Variants in CPQ observed in about 807,000 individuals in gnomAD.
CPQ encodes the protein Ser-Met dipeptidase.
CPQ carries 37 observed loss-of-function variants against 45.7 expected under a neutral mutation model. That is an observed-to-expected ratio of 0.81 (90% CI 0.62 to 1.07). CPQ has a LOEUF of 1.07. Ranked by LOEUF, CPQ falls within the 50% of genes least tolerant of loss-of-function variation. The pLI is 0.00. For synonymous variants in CPQ, 186 were observed against 205.8 expected, an observed-to-expected ratio of 0.90 and a Z score of 0.82; for missense variants, 537 against 572.9, an observed-to-expected ratio of 0.94 and a Z score of 0.64.
At chr8:96,714,686 T>C (rs1321224448) in intron 1 of CPQ, among the ~76,000 whole-genome samples, 1 of 152,168 alleles carries the variant, frequency 6.6e-6, no homozygotes, top group Non-Finnish European at 1.5e-5. Flanking sequence ...AGAGCTACTG[T>C]GACCTTTTGG....
intron 2 of CPQ, among the ~76,000 whole-genome samples, chr8:96,823,743 T>C (rs1330383315): frequency 2.0e-5 from 3 of 152,040 alleles, no homozygotes; most frequent in Non-Finnish European, 4.4e-5. Context: ...GCCTACATTA[T>C]AGGGCTGTCG....
intron 2 of CPQ, among the ~76,000 whole-genome samples, chr8:96,827,092 C>T: frequency 6.6e-6 from 1 of 152,026 alleles, no homozygotes; most frequent in African/African-American, 2.4e-5. Context: ...ATTCATATTC[C>T]ATTGGCCAGA....
At chr8:96,667,086 T>A (rs1396128532) in intron 1 of CPQ, among the ~76,000 whole-genome samples, 1 of 113,168 alleles carries the variant, frequency 8.8e-6, no homozygotes, top group African/African-American at 3.3e-5. Context: ...GGAAACATCA[T>A]CCCCACTTCT....
chr8:96,851,575 C>T (rs1811771734), intron 3 of CPQ, among the ~76,000 whole-genome samples: 1 of 152,144 alleles, frequency 6.6e-6, no homozygotes, highest in Admixed American at 6.5e-5. Flanking sequence ...ACAAGTGAAC[C>T]AAATCTTTGT....
chr8:96,693,853 C>T (rs561698567), intron 1 of CPQ, among the ~76,000 whole-genome samples: 6 of 151,976 alleles, frequency 3.9e-5, no homozygotes, highest in Admixed American at 2.0e-4. Flanking sequence ...GTAAATTACC[C>T]ATATCTTAAG....
intron 6 of CPQ, among the ~76,000 whole-genome samples, chr8:97,044,060 A>G (rs554127705): frequency 6.6e-6 from 1 of 152,266 alleles, no homozygotes; most frequent in Non-Finnish European, 1.5e-5. Context: ...GTTCTCCTGG[A>G]TAATATCCTG....
In CPQ at chr8:97,112,897, G is replaced by A. The variant is rs185296926; in HGVS notation, c.1256-30123G>A. Among the ~76,000 whole-genome samples, 8 of 152,330 alleles carry A rather than the reference G, an allele frequency of 5.3e-5. No individual in the cohort carries two copies. In the East Asian group the frequency reaches 1.5e-3, roughly 29 times the overall value. On this transcript the variant is annotated intron_variant, in intron 7 of 7. Coordinates refer to ENST00000220763, the MANE Select transcript of CPQ (RefSeq NM_016134.4). ...TAATCGTAGCACACCCACAGAAGTTGGGAAGACTAGAAGCTGCAGATCTAG... is the reference window on the plus strand; with the variant it reads ...TAATCGTAGCACACCCACAGAAGTTAGGAAGACTAGAAGCTGCAGATCTAG...
At chr8:96,862,876 T>C (rs900066844) in intron 3 of CPQ, among the ~76,000 whole-genome samples, 13 of 152,176 alleles carry the variant, frequency 8.5e-5, no homozygotes, top group African/African-American at 2.9e-4. Context: ...ACTTCCTCCA[T>C]CCTGCTTCTT....
At chr8:97,039,525 C>T (rs1810074195) in intron 6 of CPQ, among the ~76,000 whole-genome samples, 1 of 150,838 alleles carries the variant, frequency 6.6e-6, no homozygotes, top group Admixed American at 6.6e-5. Context: ...GGTACATGTG[C>T]ACAATGTGCA....
At chr8:96,648,253 C>G (rs1008618299) in intron 1 of CPQ, among the ~76,000 whole-genome samples, 2 of 152,212 alleles carry the variant, frequency 1.3e-5, no homozygotes, top group African/African-American at 4.8e-5. Flanking sequence ...CTGAAACTTT[C>G]TGCCCCGAAG....
chr8:96,952,001 T>C (rs561998139), intron 4 of CPQ, among the ~76,000 whole-genome samples: 2 of 152,132 alleles, frequency 1.3e-5, no homozygotes, highest in Admixed American at 6.6e-5. Flanking sequence ...TTTTTAAGGG[T>C]AGGTTCGTAT....
chr8:97,035,776 C>T (rs1371473257), intron 6 of CPQ, among the ~76,000 whole-genome samples: 1 of 152,080 alleles, frequency 6.6e-6, no homozygotes, highest in African/African-American at 2.4e-5. Context: ...GGCGCGATCT[C>T]GGCTCACTGC....
intron 3 of CPQ, among the ~76,000 whole-genome samples, chr8:96,838,813 T>C (rs985930577): frequency 6.6e-6 from 1 of 152,154 alleles, no homozygotes; most frequent in Non-Finnish European, 1.5e-5. Flanking sequence ...CGGTTCCTGG[T>C]GCTCTTTGTC....
chr8:96,672,010 A>G lies in CPQ; in HGVS notation c.-35+26608A>G, dbSNP rs1014757548. Among the ~76,000 whole-genome samples, 23 of 152,272 alleles carry G rather than the reference A, an allele frequency of 1.5e-4. No individual in the cohort carries two copies. In the East Asian group the frequency reaches 1.5e-3, roughly 10 times the overall value. On this transcript the variant is annotated intron_variant, in intron 1 of 7. Coordinates refer to ENST00000220763, the MANE Select transcript of CPQ (RefSeq NM_016134.4). Reference sequence around the variant, plus strand: ...GAGGATTATTAGAGATTTGGGTGAAATAGATAAGTATTTCTCCTTTGATAG... The same window carrying G: ...GAGGATTATTAGAGATTTGGGTGAAGTAGATAAGTATTTCTCCTTTGATAG...
At chr8:96,784,064 G>C (rs926158540) in intron 1 of CPQ, among the ~76,000 whole-genome samples, 3 of 152,188 alleles carry the variant, frequency 2.0e-5, no homozygotes, top group Admixed American at 1.3e-4. Flanking sequence ...TAAAATAAAG[G>C]TAATAATAAA....
At chr8:97,124,343 A>G (rs1811810733) in intron 7 of CPQ, among the ~76,000 whole-genome samples, 1 of 152,140 alleles carries the variant, frequency 6.6e-6, no homozygotes, top group Non-Finnish European at 1.5e-5. Flanking sequence ...GTGGCTGGAA[A>G]TTTCAACACT....
At chr8:96,926,157 T>C (rs1420307892) in intron 4 of CPQ, among the ~76,000 whole-genome samples, 1 of 152,180 alleles carries the variant, frequency 6.6e-6, no homozygotes, top group Non-Finnish European at 1.5e-5. Context: ...CTTAAGTTAC[T>C]CTGAAGATCA....
chr8:97,059,588 T>C (rs1487748083), intron 6 of CPQ, among the ~76,000 whole-genome samples: 1 of 152,150 alleles, frequency 6.6e-6, no homozygotes, highest in African/African-American at 2.4e-5. Context: ...TCTTTCTACC[T>C]TGCACAGCAG....
At chr8:96,820,218 T>C (rs890486641) in intron 2 of CPQ, among the ~76,000 whole-genome samples, 1 of 152,076 alleles carries the variant, frequency 6.6e-6, no homozygotes, top group South Asian at 2.1e-4. Flanking sequence ...TTTGAGGCAT[T>C]GTCCCTGTAA....
Sources: allele counts gnomAD v4.1 joint callset (sites outside exome capture counted in the v4.1 genomes callset), GRCh38; gene constraint gnomAD v4.1.1; transcripts MANE v1.5; gene names NCBI Gene and HGNC (gene_info 2026-07-23, HGNC 2026-07-21).